Variants in LRBA observed in about 807,000 individuals in gnomAD.
LRBA encodes the protein LPS responsive beige-like anchor protein.
Under a neutral mutation model 330.0 loss-of-function variants are expected in LRBA, and 176 were observed. That is an observed-to-expected ratio of 0.53 (90% CI 0.47 to 0.60). LRBA has a LOEUF of 0.60. Among genes scored for constraint, LRBA ranks in the 20% least tolerant of loss-of-function variants. The probability of loss-of-function intolerance (pLI) is 0.00; values close to 1 mark genes in which losing one functional copy is unlikely to be tolerated. For synonymous variants in LRBA, 1,230 were observed against 1,193.0 expected (o/e 1.03, Z -0.64); for missense variants, 3,259 against 3,444.8 (o/e 0.95, Z 1.35).
chr4:150,717,675 G>GTAATAATAATAATAA (rs10522737), intron 36 of LRBA, among the ~76,000 whole-genome samples: 37,746 of 139,518 alleles, frequency 0.27, 5,818 homozygotes, highest in Non-Finnish European at 0.34. Context: ...AACAATAATA[G>GTAATAATAATAATAA]TAATAATAAT....
At chr4:150,855,732 A>G (rs1751149980) in intron 22 of LRBA, among the ~76,000 whole-genome samples, 1 of 152,202 alleles carries the variant, frequency 6.6e-6, no homozygotes, top group Non-Finnish European at 1.5e-5. Flanking sequence ...TTTTACCTGG[A>G]GGTCAGAGCT....
intron 31 of LRBA, among the ~76,000 whole-genome samples, chr4:150,813,725 A>G (rs914331364): frequency 6.6e-6 from 1 of 152,068 alleles, no homozygotes; most frequent in Non-Finnish European, 1.5e-5. Context: ...ATATCCACAA[A>G]TGGGAATTTC....
intron 56 of LRBA, among the ~76,000 whole-genome samples, chr4:150,271,279 G>A (rs549304448): frequency 1.5e-4 from 23 of 152,052 alleles, no homozygotes; most frequent in East Asian, 5.8e-4. Flanking sequence ...AAAACAGGGC[G>A]GCCGTTTGGG....
At chr4:150,967,879 A>G (rs1239019553) in intron 2 of LRBA, among the ~76,000 whole-genome samples, 1 of 152,092 alleles carries the variant, frequency 6.6e-6, no homozygotes, top group Non-Finnish European at 1.5e-5. Context: ...CCAAGAGACT[A>G]TTCCCCCATC....
intron 37 of LRBA, among the ~76,000 whole-genome samples, chr4:150,627,015 T>C (rs1776927454): frequency 6.6e-6 from 1 of 152,102 alleles, no homozygotes; most frequent in African/African-American, 2.4e-5. Flanking sequence ...CAGAACATAT[T>C]GGCAAGGGCA....
intron 53 of LRBA, among the ~76,000 whole-genome samples, chr4:150,299,779 TTATC>T (rs1729420907): frequency 6.6e-6 from 1 of 151,998 alleles, no homozygotes; most frequent in South Asian, 2.1e-4. Context: ...TGGTTTTCTT[TTATC>T]TATTTTCCCT....
intron 47 of LRBA, among the ~76,000 whole-genome samples, chr4:150,374,178 T>C (rs1740883729): frequency 6.6e-6 from 1 of 152,226 alleles, no homozygotes; most frequent in Non-Finnish European, 1.5e-5. Flanking sequence ...CGTTTCTCCC[T>C]CTATGAGAGT....
intron 44 of LRBA, among the ~76,000 whole-genome samples, chr4:150,460,757 T>C (rs756240847): frequency 2.0e-5 from 3 of 151,964 alleles, no homozygotes; most frequent in Middle Eastern, 3.4e-3. Flanking sequence ...AATCTAAAGA[T>C]GAAAAACAGA....
chr4:150,287,426 G>A lies in LRBA; in HGVS notation c.8018-1392C>T, dbSNP rs1377423536. On this transcript the variant is annotated intron_variant, in intron 53 of 56. Coordinates refer to ENST00000651943, the MANE Select transcript of LRBA (RefSeq NM_001364905.1). ...AAATAAGTTTTACTGAATGGACAGA[G>A]GTCCATGAACAAGAAAAGGTGAGAG... 2.0e-5 allele frequency among the ~76,000 whole-genome samples: 3 copies of A among 152,334 alleles called. No homozygotes were observed. In the East Asian group the frequency reaches 5.8e-4, roughly 29 times the overall value.
intron 40 of LRBA, among the ~76,000 whole-genome samples, chr4:150,532,094 T>C (rs1764111227): frequency 6.6e-6 from 1 of 152,226 alleles, no homozygotes; most frequent in Non-Finnish European, 1.5e-5. Flanking sequence ...AGGACTGTCA[T>C]TCTCATCTCC....
chr4:150,771,810 C>T (rs1736604134), intron 34 of LRBA, among the ~76,000 whole-genome samples: 1 of 152,130 alleles, frequency 6.6e-6, no homozygotes, highest in South Asian at 2.1e-4. Flanking sequence ...ACCATGGCCA[C>T]CTTGTTCATG....
chr4:150,916,717 C>T lies in LRBA; in HGVS notation c.667G>A (p.Ala223Thr). ...SAAAIALPPI[A>T]KWPYQNGFTF... The stretch of plus-strand genomic sequence containing the variant: ...AAACCATTCTGGTATGGCCATTTGG[C>T]TATAGGAGGTAATGCAATAGCCTAA... The change falls in exon 6 of 57, where the codon GCC (alanine) becomes ACC (threonine). Residue 223 changes from alanine (A) to threonine (T), a missense_variant. Transcript: ENST00000651943. The T allele has an allele frequency of 6.3e-7, 1 of 1,575,220 alleles. No homozygotes were observed. The highest frequency in any genetic ancestry group is 8.6e-7 in the Non-Finnish European group (1 of 1,166,894).
intron 44 of LRBA, among the ~76,000 whole-genome samples, chr4:150,445,048 A>G (rs1270983112): frequency 6.6e-6 from 1 of 152,178 alleles, no homozygotes; most frequent in African/African-American, 2.4e-5. Flanking sequence ...ATTACTAAAA[A>G]TGTTTTAAGT....
At chr4:150,789,787 G>GA (rs535016750) in intron 34 of LRBA, among the ~76,000 whole-genome samples, 2 of 150,774 alleles carry the variant, frequency 1.3e-5, no homozygotes, top group South Asian at 2.1e-4. Flanking sequence ...ATTAGAATAG[G>GA]AAAAAAAAGT....
At chr4:150,597,210 G>T in intron 38 of LRBA, 1 of 550,964 alleles carries the variant, frequency 1.8e-6, no homozygotes, top group Non-Finnish European at 3.2e-6. Context: ...AGAGTCTTAG[G>T]ATGATAGTAA....
At chr4:150,868,436 TAAAAAA>T (rs947985445) in intron 20 of LRBA, 131 bp from the exon 21 acceptor site, 1 of 484,880 alleles carries the variant, frequency 2.1e-6, no homozygotes, top group Admixed American at 4.0e-5. Context: ...CTTCTGTTAT[TAAAAAA>T]AATCACCTCT....
intron 53 of LRBA, among the ~76,000 whole-genome samples, chr4:150,296,348 T>C (rs1728973511): frequency 6.6e-6 from 1 of 152,182 alleles, no homozygotes; most frequent in Non-Finnish European, 1.5e-5. Flanking sequence ...TCAACAGTCA[T>C]GCAGCCTTAA....
At chr4:150,705,170 A>G (rs1237414670) in intron 36 of LRBA, among the ~76,000 whole-genome samples, 1 of 152,150 alleles carries the variant, frequency 6.6e-6, no homozygotes, top group Non-Finnish European at 1.5e-5. Flanking sequence ...CTGATTCTTA[A>G]GAGCCGGTAA....
intron 38 of LRBA, among the ~76,000 whole-genome samples, chr4:150,594,475 C>T (rs988676631): frequency 1.3e-5 from 2 of 151,974 alleles, no homozygotes; most frequent in Non-Finnish European, 2.9e-5. Flanking sequence ...ATTCTACACA[C>T]GTCTAAAAGT....
Sources: allele counts gnomAD v4.1 joint callset (sites outside exome capture counted in the v4.1 genomes callset), GRCh38; gene constraint gnomAD v4.1.1; transcripts MANE v1.5; gene names NCBI Gene and HGNC (gene_info 2026-07-23, HGNC 2026-07-21).